SLC25A13: variants seen among roughly 807,000 people sequenced by gnomAD.
The protein encoded by SLC25A13 is electrogenic aspartate/glutamate antiporter SLC25A13, mitochondrial.
In SLC25A13, 70 loss-of-function variants were observed where a neutral mutation model predicts 85.5. The ratio of observed to expected loss-of-function variants is 0.82; its 90% CI spans 0.68 to 1.00. SLC25A13 has a LOEUF of 1.00. Among genes scored for constraint, SLC25A13 ranks in the 50% least tolerant of loss-of-function variants. SLC25A13 has a pLI of 0.00. For synonymous variants in SLC25A13, 259 were observed against 288.7 expected, an observed-to-expected ratio of 0.90 and a Z score of 1.04; for missense variants, 765 against 819.8, an observed-to-expected ratio of 0.93 and a Z score of 0.82.
At chr7:96,294,774 C>T (rs2116989563) in intron 2 of SLC25A13, among the ~76,000 whole-genome samples, 1 of 152,242 alleles carries the variant, frequency 6.6e-6, no homozygotes, top group African/African-American at 2.4e-5. Flanking sequence ...AATTCCTAGG[C>T]TCAAGCCATC....
At chr7:96,319,495 T>C (rs918614014) in intron 1 of SLC25A13, among the ~76,000 whole-genome samples, 2 of 128,784 alleles carry the variant, frequency 1.6e-5, no homozygotes, top group Non-Finnish European at 3.1e-5. Context: ...TGAGGCAAGA[T>C]CATGCCACTG....
chr7:96,226,925 C>T (rs1796346813), intron 4 of SLC25A13, among the ~76,000 whole-genome samples: 1 of 152,068 alleles, frequency 6.6e-6, no homozygotes, highest in South Asian at 2.1e-4. Flanking sequence ...TTTGAATACC[C>T]CTCCCATCCA....
intron 1 of SLC25A13, 32 bp downstream of exon 1, chr7:96,321,910 C>G (rs1477192144): frequency 3.3e-6 from 5 of 1,525,576 alleles, no homozygotes; most frequent in Non-Finnish European, 2.6e-6. Context: ...ATCCGGCAGG[C>G]GCGCTCCCCC....
chr7:96,234,978 C>T, intron 3 of SLC25A13, 61 bp from the exon 4 acceptor site: 2 of 1,186,696 alleles, frequency 1.7e-6, no homozygotes, highest in Non-Finnish European at 2.5e-6. Flanking sequence ...GAAGCATATA[C>T]AAACATACAC....
intron 11 of SLC25A13, among the ~76,000 whole-genome samples, chr7:96,183,287 A>G (rs961775833): frequency 6.6e-5 from 10 of 152,130 alleles, no homozygotes; most frequent in Non-Finnish European, 1.3e-4. Flanking sequence ...AGAAAGGTTT[A>G]TCCTTTTTGT....
chr7:96,261,898 C>G (rs1404558833), intron 3 of SLC25A13, among the ~76,000 whole-genome samples: 1 of 152,064 alleles, frequency 6.6e-6, no homozygotes, highest in Non-Finnish European at 1.5e-5. Context: ...GGAAGAGGAC[C>G]AACTCATCCT....
At chr7:96,161,768 G>A (rs1793515979) in intron 13 of SLC25A13, among the ~76,000 whole-genome samples, 1 of 152,200 alleles carries the variant, frequency 6.6e-6, no homozygotes, top group Non-Finnish European at 1.5e-5. Context: ...CAGAGATAAA[G>A]TGCAAGTACA....
intron 5 of SLC25A13, among the ~76,000 whole-genome samples, chr7:96,200,540 TC>T (rs1562837236): frequency 6.6e-6 from 1 of 151,648 alleles, no homozygotes; most frequent in African/African-American, 2.4e-5. Context: ...TATGTGTACC[TC>T]CCCCCACCCC....
intron 11 of SLC25A13, among the ~76,000 whole-genome samples, chr7:96,175,841 T>C (rs898849113): frequency 6.6e-6 from 1 of 152,238 alleles, no homozygotes; most frequent in Admixed American, 6.5e-5. Context: ...CTTCCTTATA[T>C]TAAATGATTA....
intron 9 of SLC25A13, among the ~76,000 whole-genome samples, chr7:96,187,302 A>C (rs1196351970): frequency 6.6e-6 from 1 of 152,218 alleles, no homozygotes; most frequent in Non-Finnish European, 1.5e-5. Flanking sequence ...CTATCAACCC[A>C]CTGAATTTTA....
chr7:96,266,988 G>A (rs530133654), intron 3 of SLC25A13, among the ~76,000 whole-genome samples: 18 of 152,208 alleles, frequency 1.2e-4, no homozygotes, highest in South Asian at 2.1e-4. Context: ...AGATGCTTTC[G>A]CCAAATTCTA....
intron 4 of SLC25A13, among the ~76,000 whole-genome samples, chr7:96,221,826 T>C (rs994927151): frequency 6.6e-6 from 1 of 152,174 alleles, no homozygotes; most frequent in Admixed American, 6.5e-5. Flanking sequence ...ACCAATTTCA[T>C]CATAGCAGGT....
intron 5 of SLC25A13, among the ~76,000 whole-genome samples, chr7:96,207,651 A>T (rs1795510280): frequency 6.6e-6 from 1 of 152,232 alleles, no homozygotes; most frequent in South Asian, 2.1e-4. Flanking sequence ...GCCTATAGAT[A>T]TTGACCTCTA....
intron 8 of SLC25A13, 61 bp downstream of exon 8, chr7:96,189,520 C>T: frequency 2.6e-6 from 4 of 1,551,982 alleles, no homozygotes; most frequent in East Asian, 2.2e-5. Context: ...GATTGCTGCC[C>T]TCCTCCTAAC....
intron 1 of SLC25A13, among the ~76,000 whole-genome samples, chr7:96,307,639 C>T (rs1159209307): frequency 1.3e-5 from 2 of 151,624 alleles, no homozygotes; most frequent in Non-Finnish European, 2.9e-5. Flanking sequence ...ATATTGAGGA[C>T]ATAAATTGAT....
intron 3 of SLC25A13, 53 bp from the exon 4 acceptor site, chr7:96,234,970 A>G: frequency 1.5e-6 from 2 of 1,356,262 alleles, no homozygotes; most frequent in Non-Finnish European, 2.1e-6. Flanking sequence ...GGAAAACAGA[A>G]GCATATACAA....
intron 1 of SLC25A13, among the ~76,000 whole-genome samples, chr7:96,302,648 G>C (rs1253885595): frequency 6.6e-6 from 1 of 152,174 alleles, no homozygotes; most frequent in Non-Finnish European, 1.5e-5. Context: ...GCAAAGATCA[G>C]GAAACAAAGT....
intron 11 of SLC25A13, among the ~76,000 whole-genome samples, chr7:96,178,283 G>A (rs1322902822): frequency 6.6e-6 from 1 of 152,120 alleles, no homozygotes; most frequent in Non-Finnish European, 1.5e-5. Flanking sequence ...ACCACGCTGG[G>A]CAACGCTAGC....
At chr7:96,138,418 C>CA (rs768141457) in intron 14 of SLC25A13, among the ~76,000 whole-genome samples, 1 of 140,268 alleles carries the variant, frequency 7.1e-6, no homozygotes, top group Non-Finnish European at 1.5e-5. Context: ...TTTTTTGAAA[C>CA]AGAGTCTTGC....
Sources: allele counts gnomAD v4.1 joint callset (sites outside exome capture counted in the v4.1 genomes callset), GRCh38; gene constraint gnomAD v4.1.1; transcripts MANE v1.5; gene names NCBI Gene and HGNC (gene_info 2026-07-23, HGNC 2026-07-21).